Variants in TRAPPC9 observed in about 807,000 individuals in gnomAD.
The protein encoded by TRAPPC9 is IKK2 binding protein.
Under a neutral mutation model 124.0 loss-of-function variants are expected in TRAPPC9, and 83 were observed. That is an observed-to-expected ratio of 0.67 (90% CI 0.56 to 0.80). The LOEUF is 0.80. Ranked by LOEUF, TRAPPC9 falls within the 30% of genes least tolerant of loss-of-function variation. TRAPPC9 has a pLI of 0.00. For synonymous variants in TRAPPC9, 638 were observed against 617.5 expected, an observed-to-expected ratio of 1.03 and a Z score of -0.49; for missense variants, 1,302 against 1,508.3, an observed-to-expected ratio of 0.86 and a Z score of 2.27.
intron 21 of TRAPPC9, among the ~76,000 whole-genome samples, chr8:139,765,895 G>A (rs1024773745): frequency 1.3e-5 from 2 of 152,314 alleles, no homozygotes; most frequent in East Asian, 1.9e-4. Context: ...GTGCCAGGGC[G>A]GTGAGCTGGT....
intron 9 of TRAPPC9, among the ~76,000 whole-genome samples, chr8:140,339,035 C>T (rs1382058800): frequency 7.0e-6 from 1 of 142,834 alleles, no homozygotes; most frequent in African/African-American, 2.6e-5. Flanking sequence ...TACAGGCCGA[C>T]GGGAAACGGC....
chr8:140,424,026 G>T (rs1266510558), intron 5 of TRAPPC9, among the ~76,000 whole-genome samples: 1 of 152,108 alleles, frequency 6.6e-6, no homozygotes, highest in Non-Finnish European at 1.5e-5. Flanking sequence ...TCCTGCTGGG[G>T]TTATGAGAAT....
At chr8:140,238,714 C>T (rs1364832193) in intron 16 of TRAPPC9, among the ~76,000 whole-genome samples, 2 of 152,130 alleles carry the variant, frequency 1.3e-5, no homozygotes, top group African/African-American at 2.4e-5. Flanking sequence ...GATTTCAGCT[C>T]GAAGATGTAG....
At chr8:139,796,006 AGAG>A (rs2130639798) in intron 21 of TRAPPC9, among the ~76,000 whole-genome samples, 1 of 150,712 alleles carries the variant, frequency 6.6e-6, no homozygotes, top group African/African-American at 2.4e-5. Context: ...TGGTGGAGGA[AGAG>A]GAGGATGAGG....
chr8:139,948,940 G>A (rs1005602573), intron 19 of TRAPPC9, among the ~76,000 whole-genome samples: 7 of 152,140 alleles, frequency 4.6e-5, no homozygotes, highest in African/African-American at 1.7e-4. Context: ...AGCTAGTGTG[G>A]TGGGCGCCTG....
chr8:140,077,453 G>A (rs1843574206), intron 17 of TRAPPC9, among the ~76,000 whole-genome samples: 4 of 152,130 alleles, frequency 2.6e-5, no homozygotes, highest in Admixed American at 2.6e-4. Context: ...CAGAGAGTTA[G>A]GTACCAAGGC....
chr8:139,911,735 T>TA (rs1440861407), intron 19 of TRAPPC9, among the ~76,000 whole-genome samples: 6 of 151,620 alleles, frequency 4.0e-5, no homozygotes, highest in African/African-American at 9.7e-5. Flanking sequence ...GCCTTTTTTT[T>TA]TTATTATTGC....
At chr8:139,845,497 G>A (rs913712462) in intron 21 of TRAPPC9, among the ~76,000 whole-genome samples, 5 of 152,222 alleles carry the variant, frequency 3.3e-5, no homozygotes, top group African/African-American at 7.2e-5. Context: ...AATGGAGCCC[G>A]TACTTCCAGG....
intron 17 of TRAPPC9, among the ~76,000 whole-genome samples, chr8:140,079,916 C>T (rs1843719655): frequency 6.6e-6 from 1 of 151,676 alleles, no homozygotes; most frequent in Non-Finnish European, 1.5e-5. Flanking sequence ...GGCGAGAGAG[C>T]ACAATTCTGT....
At chr8:140,369,397 T>G (rs2068213741) in intron 8 of TRAPPC9, among the ~76,000 whole-genome samples, 1 of 152,210 alleles carries the variant, frequency 6.6e-6, no homozygotes, top group African/African-American at 2.4e-5. Context: ...TGCCATCGCA[T>G]CACTCACCCA....
intron 20 of TRAPPC9, among the ~76,000 whole-genome samples, chr8:139,889,051 C>A (rs1364198276): frequency 6.6e-6 from 1 of 152,254 alleles, no homozygotes; most frequent in Non-Finnish European, 1.5e-5. Context: ...AACCAAAAGT[C>A]TGCCAACAGA....
At chr8:140,394,267 G>A (rs997640199) in intron 7 of TRAPPC9, among the ~76,000 whole-genome samples, 10 of 152,166 alleles carry the variant, frequency 6.6e-5, no homozygotes, top group Admixed American at 6.6e-4. Context: ...CACTGCTTCA[G>A]GCTTTCGGAG....
chr8:140,445,071 T>A (rs1013532051), intron 2 of TRAPPC9, among the ~76,000 whole-genome samples: 3 of 152,136 alleles, frequency 2.0e-5, no homozygotes, highest in Non-Finnish European at 4.4e-5. Flanking sequence ...AGCTCCGGAC[T>A]CACATCCGAT....
In TRAPPC9 at chr8:140,229,520, G is replaced by A. The variant is rs191573269; in HGVS notation, c.2432-7937C>T. Among the ~76,000 whole-genome samples, 443 of 151,474 alleles carry A rather than the reference G, an allele frequency of 2.9e-3. 1 individual carries two copies. Among genetic ancestry groups the A allele is most frequent in the Non-Finnish European group, 4.5e-3 (302 of 67,842 alleles). ...ACCGACCTCGTGATCCACCCACCTC[G>A]GCCTCCCAAAGTGCTGGAATTATAT... On this transcript the variant is annotated intron_variant, in intron 16 of 22. Transcript: ENST00000438773.
chr8:140,342,297 G>A (rs974070962), intron 9 of TRAPPC9, among the ~76,000 whole-genome samples: 4 of 152,102 alleles, frequency 2.6e-5, no homozygotes, highest in Non-Finnish European at 5.9e-5. Flanking sequence ...CCTAAAACCT[G>A]GCAAATTAGT....
intron 3 of TRAPPC9, 70 bp downstream of exon 3, chr8:140,438,982 A>T: frequency 3.1e-6 from 5 of 1,588,154 alleles, no homozygotes; most frequent in African/African-American, 1.3e-5. Flanking sequence ...GAGCCACCGC[A>T]CCCAGCCTCT....
At chr8:140,242,136 CAGAGAGAGAG>C (rs36214777) in intron 16 of TRAPPC9, among the ~76,000 whole-genome samples, 29 of 146,126 alleles carry the variant, frequency 2.0e-4, no homozygotes, top group East Asian at 6.0e-4. Context: ...AAGAGGCAGA[CAGAGAGAGAG>C]AGAGAGAGAG....
intron 21 of TRAPPC9, among the ~76,000 whole-genome samples, chr8:139,814,313 G>C (rs1824673490): frequency 6.6e-6 from 1 of 152,216 alleles, no homozygotes. Context: ...TGGAGACACG[G>C]CGATGAGAAG....
intron 21 of TRAPPC9, among the ~76,000 whole-genome samples, chr8:139,818,775 G>T (rs1436247697): frequency 6.6e-6 from 1 of 152,214 alleles, no homozygotes; most frequent in South Asian, 2.1e-4. Flanking sequence ...AGCTGTCCAA[G>T]TGGAGTGAAC....
Sources: allele counts gnomAD v4.1 joint callset (sites outside exome capture counted in the v4.1 genomes callset), GRCh38; gene constraint gnomAD v4.1.1; transcripts MANE v1.5; gene names NCBI Gene and HGNC (gene_info 2026-07-23, HGNC 2026-07-21).